Variants in EFCC1 observed in about 807,000 individuals in gnomAD.
EFCC1 encodes the protein EF-hand and coiled-coil domain containing 1, also known as EF-hand and coiled-coil domain-containing protein 1.
Under a neutral mutation model 52.1 loss-of-function variants are expected in EFCC1, and 50 were observed. The observed-to-expected ratio is 0.96, with a 90% CI of 0.76 to 1.21. EFCC1 has a LOEUF of 1.21. Ranked by LOEUF, EFCC1 falls within the 50% of genes most tolerant of loss-of-function variation. EFCC1 has a pLI of 0.00. For missense variants in EFCC1, 837 were observed against 867.3 expected, an observed-to-expected ratio of 0.97 and a Z score of 0.44; for synonymous variants, 399 against 396.5, an observed-to-expected ratio of 1.01 and a Z score of -0.08.
chr3:129,030,891 C>T, intron 3 of EFCC1, 31 bp downstream of exon 3: 1 of 1,535,272 alleles, frequency 6.5e-7, no homozygotes. Context: ...GTCTTCCTGC[C>T]AGGCTCACAG....
chr3:129,032,750 GT>G, intron 3 of EFCC1, 68 bp from the exon 4 acceptor site: 1 of 1,519,438 alleles, frequency 6.6e-7, no homozygotes, highest in Non-Finnish European at 8.9e-7. Flanking sequence ...CGCTGCACAT[GT>G]CCCCCTGGGG....
chr3:129,013,661 G>A (rs1038547254), intron 2 of EFCC1, among the ~76,000 whole-genome samples: 3 of 152,294 alleles, frequency 2.0e-5, no homozygotes, highest in Middle Eastern at 3.4e-3. Flanking sequence ...TGGTACCAGG[G>A]AAATGGAGCA....
chr3:129,033,784 G>A (rs553310706), intron 4 of EFCC1, among the ~76,000 whole-genome samples: 13 of 152,302 alleles, frequency 8.5e-5, no homozygotes, highest in Non-Finnish European at 1.6e-4. Flanking sequence ...GGACAGAGGC[G>A]GGGCAGGGAG....
At chr3:129,030,143 C>A (rs1946241906) in intron 2 of EFCC1, among the ~76,000 whole-genome samples, 1 of 152,016 alleles carries the variant, frequency 6.6e-6, no homozygotes, top group Admixed American at 6.5e-5. Flanking sequence ...CAAGATCATG[C>A]CACAGCACTC....
chr3:129,037,256 A>T, intron 6 of EFCC1, 139 bp downstream of exon 6: 1 of 1,272,194 alleles, frequency 7.9e-7, no homozygotes, highest in Non-Finnish European at 1.0e-6. Flanking sequence ...GCAGAAATGG[A>T]GGCTCAGAAG....
chr3:129,036,827 C>G, intron 5 of EFCC1, 150 bp from the exon 6 acceptor site: 1 of 1,072,382 alleles, frequency 9.3e-7, no homozygotes, highest in South Asian at 1.5e-5. Context: ...ACAACTCTTA[C>G]ATCAGTCCAA....
At chr3:129,004,223 C>T (rs1026779822) in intron 2 of EFCC1, 146 bp downstream of exon 2, 18 of 1,109,692 alleles carry the variant, frequency 1.6e-5, no homozygotes, top group Non-Finnish European at 2.0e-5. Context: ...ATTCCTTTGT[C>T]AGTTCTCCAT....
At chr3:129,016,938 C>T (rs940946165) in intron 2 of EFCC1, among the ~76,000 whole-genome samples, 2 of 152,190 alleles carry the variant, frequency 1.3e-5, no homozygotes, top group Admixed American at 6.5e-5. Context: ...CATTTATTAT[C>T]TCATGTGAGA....
chr3:129,030,940 T>C, intron 3 of EFCC1, 80 bp downstream of exon 3: 6 of 1,431,386 alleles, frequency 4.2e-6, no homozygotes, highest in Non-Finnish European at 5.5e-6. Context: ...CAAGGGCCTG[T>C]CTGCATCCAT....
In EFCC1 at chr3:129,001,998, G is replaced by A. The variant is rs1944793238; in HGVS notation, c.370G>A (p.Asp124Asn). 6.5e-7 allele frequency: 1 copy of A among 1,546,002 alleles called. No individual in the cohort carries two copies. The highest frequency in any genetic ancestry group is 1.2e-5 in the South Asian group (1 of 83,334). Residue 124 changes from aspartate (D) to asparagine (N), a missense_variant, in exon 1 of 8, where the codon GAT becomes AAT. Asp to Asn is a conservative substitution (Grantham distance 23). Transcript: ENST00000683648. ...AAELATDGDS[D>N]TDEEARLALR... ...TGAGTTGGCCACGGACGGGGACTCA[G>A]ATACCGATGAAGAGGCGCGCCTGGC...
Position 129,003,833 on chromosome 3 carries a change from G to C in EFCC1, c.736G>C (p.Gly246Arg). The C allele has an allele frequency of 6.8e-7, 1 of 1,462,694 alleles. No individual in the cohort carries two copies. Among genetic ancestry groups the C allele is most frequent in the South Asian group, 1.3e-5 (1 of 77,874 alleles). The allele number at this position is 1,462,694 out of a possible 1,614,324, so 90.6% of individuals were successfully genotyped here. A position where few individuals can be genotyped will look rare whatever the true frequency, so the allele number is the denominator to read the frequency against. The change falls in exon 2 of 8, where the codon GGG becomes CGG. Residue 246 changes from glycine to arginine, a missense_variant. Coordinates refer to ENST00000683648, the MANE Select transcript of EFCC1 (RefSeq NM_001377500.1). ...GAGCCAGGCGAGCACCCACGAGATG[G>C]GGCACGGCGGGCCGGAGGCTGCGGT... Reference protein sequence around the residue: ...WKSQASTHEMGHGGPEAAVRE... With the variant: ...WKSQASTHEMRHGGPEAAVRE...
At position 129,032,829 on chromosome 3, in the gene EFCC1, G is replaced by A; in HGVS notation, c.1149G>A (p.Glu383=). The A allele has an allele frequency of 6.4e-7, 1 of 1,551,188 alleles. No individual in the cohort carries two copies. The highest frequency in any genetic ancestry group is 8.7e-7 in the Non-Finnish European group (1 of 1,146,794). Residue 383 remains glutamate (E), a synonymous_variant, in exon 4 of 8, where the codon GAG becomes GAA. Transcript: ENST00000683648. The part of the protein sequence containing the change: ...GSRALDEAVD[E]QLFRSVEGQA... ...CCTGTGCTTCCCCAGCAGTGGACGA[G>A]CAGCTGTTCCGCTCCGTGGAGGGCC...
rs1284876957 is a variant in EFCC1 at position 129,034,152 on chromosome 3, C to G, written c.1287-12C>G. On this transcript the variant is annotated splice_polypyrimidine_tract_variant and intron_variant, in intron 4 of 7. Coordinates refer to ENST00000683648, the MANE Select transcript of EFCC1 (RefSeq NM_001377500.1). ...CAGCCCCCTGCAATGCGGGCCCTCT[C>G]CTTTGCTGCAGGTGTGATGACCAGA... The G allele has an allele frequency of 6.2e-7, 1 of 1,614,192 alleles. No homozygotes were observed. Among genetic ancestry groups the G allele is most frequent in the African/African-American group, 1.3e-5 (1 of 75,064 alleles).
At chr3:129,029,305 A>C (rs1531807) in intron 2 of EFCC1, among the ~76,000 whole-genome samples, 82,075 of 152,050 alleles carry the variant, frequency 0.54, 23,938 homozygotes, top group African/African-American at 0.77. Context: ...ACTGCAGGGA[A>C]ATGGAAAATG....
chr3:129,023,184 G>C (rs1945936789), intron 2 of EFCC1, among the ~76,000 whole-genome samples: 1 of 152,212 alleles, frequency 6.6e-6, no homozygotes, highest in African/African-American at 2.4e-5. Context: ...GGTTTGGGGA[G>C]CTCAGCCTGC....
chr3:129,030,867 C>G lies in EFCC1; in HGVS notation c.1138+7C>G. 4 of 1,546,094 alleles carry G rather than the reference C, an allele frequency of 2.6e-6. No individual in the cohort carries two copies. Among genetic ancestry groups the G allele is most frequent in the Non-Finnish European group, 3.5e-6 (4 of 1,143,516 alleles). On this transcript the variant is annotated splice_region_variant and intron_variant, in intron 3 of 7. Transcript: ENST00000683648. ...AGCAGAGCCCTGGATGAAGGTTTGTCCCCTGTGCGCCCAGTCTTCCTGCCA... is the reference window on the plus strand; with the variant it reads ...AGCAGAGCCCTGGATGAAGGTTTGTGCCCTGTGCGCCCAGTCTTCCTGCCA...
Position 129,001,660 on chromosome 3 carries a change from G to A in EFCC1, c.32G>A (p.Gly11Asp). 3.5e-6 allele frequency: 5 copies of A among 1,414,776 alleles called. No individual in the cohort carries two copies. Among genetic ancestry groups the A allele is most frequent in the Admixed American group, 2.8e-5 (1 of 35,132 alleles). The allele number at this position is 1,414,776 out of a possible 1,614,324, so 87.6% of individuals were successfully genotyped here. A position where few individuals can be genotyped will look rare whatever the true frequency, so the allele number is the denominator to read the frequency against. The change falls in exon 1 of 8, where the codon GGC becomes GAC. Residue 11 changes from glycine to aspartate, a missense_variant. Coordinates refer to ENST00000683648, the MANE Select transcript of EFCC1 (RefSeq NM_001377500.1). ...CCGGTCAGCACGGGCGCGGAGGCCG[G>A]CATGGAGGGCGCGGGAGGTGACCCG... MEPVSTGAEA[G>D]MEGAGGDPYR...
Position 129,001,690 on chromosome 3 carries a change from G to T in EFCC1, c.62G>T (p.Arg21Leu), listed in dbSNP as rs1310044469. 6.7e-7 allele frequency: 1 copy of T among 1,489,038 alleles called. No homozygotes were observed. Among genetic ancestry groups the T allele is most frequent in the Non-Finnish European group, 8.9e-7 (1 of 1,122,228 alleles). 92.2% of individuals were successfully genotyped at this position (1,489,038 alleles called of 1,614,324 possible). A position where few individuals can be genotyped will look rare whatever the true frequency, so the allele number is the denominator to read the frequency against. The part of the protein sequence containing the change: ...GMEGAGGDPY[R>L]RPARRTQWLL... Reference sequence around the variant, plus strand: ...GAGGGCGCGGGAGGTGACCCGTACCGGCGACCTGCGCGGCGCACGCAGTGG... The same window carrying T: ...GAGGGCGCGGGAGGTGACCCGTACCTGCGACCTGCGCGGCGCACGCAGTGG... Residue 21 changes from arginine to leucine, a missense_variant, in exon 1 of 8, where the codon CGG becomes CTG. Coordinates refer to ENST00000683648, the MANE Select transcript of EFCC1 (RefSeq NM_001377500.1).
intron 2 of EFCC1, among the ~76,000 whole-genome samples, chr3:129,018,698 C>T (rs1945696296): frequency 6.6e-6 from 1 of 152,232 alleles, no homozygotes; most frequent in South Asian, 2.1e-4. Flanking sequence ...GGGATGGACT[C>T]TCTCACCTCT....
Sources: allele counts gnomAD v4.1 joint callset (sites outside exome capture counted in the v4.1 genomes callset), GRCh38; gene constraint gnomAD v4.1.1; transcripts MANE v1.5; gene names NCBI Gene and HGNC (gene_info 2026-07-23, HGNC 2026-07-21).